PLA2G7: variants seen among roughly 807,000 people sequenced by gnomAD.
The protein encoded by PLA2G7 is platelet-activating factor acetylhydrolase.
In PLA2G7, 63 loss-of-function variants were observed where a neutral mutation model predicts 49.6. The ratio of observed to expected loss-of-function variants is 1.27; its 90% CI spans 1.04 to 1.57. PLA2G7 has a LOEUF of 1.57. Ranked by LOEUF, PLA2G7 falls within the 40% of genes most tolerant of loss-of-function variation. PLA2G7 has a pLI of 0.00. For synonymous variants in PLA2G7, 193 were observed against 169.9 expected (o/e 1.14, Z -1.06); for missense variants, 596 against 521.2 (o/e 1.14, Z -1.40).
At position 46,704,385 on chromosome 6, in the gene PLA2G7, G is replaced by A. The variant is rs1464357426; in HGVS notation, c.*175C>T. 7 of 602,410 alleles carry A rather than the reference G, an allele frequency of 1.2e-5. No homozygotes were observed. Among genetic ancestry groups the A allele is most frequent in the Middle Eastern group, 4.5e-4 (1 of 2,226 alleles). The allele number at this position is 602,410 out of a possible 1,614,324, so 37.3% of individuals were successfully genotyped here. A position where few individuals can be genotyped will look rare whatever the true frequency, so the allele number is the denominator to read the frequency against. On this transcript the variant is annotated 3_prime_UTR_variant, in exon 12 of 12. Transcript: ENST00000274793. ...AATTCTTAGTCCAAGCTTCAATCAC[G>A]ATTACAGTATAGCCTACATTTTAAA...
At chr6:46,713,380 T>G (rs1035415098) in intron 5 of PLA2G7, among the ~76,000 whole-genome samples, 3 of 152,196 alleles carry the variant, frequency 2.0e-5, no homozygotes, top group Non-Finnish European at 4.4e-5. Context: ...TGGGCCATAG[T>G]CTTTGTCACC....
rs756031422 is a variant in PLA2G7 at position 46,714,570 on chromosome 6, G to A, written c.377-17C>T. 1 of 1,458,100 alleles carries A rather than the reference G, an allele frequency of 6.9e-7. No homozygotes were observed. Among genetic ancestry groups the A allele is most frequent in the South Asian group, 1.1e-5 (1 of 88,006 alleles). The allele number at this position is 1,458,100 out of a possible 1,614,324, so 90.3% of individuals were successfully genotyped here. On this transcript the variant is annotated splice_polypyrimidine_tract_variant and intron_variant, in intron 4 of 11. Transcript: ENST00000274793. ...TCATTGAACCTAGACAACAATGGAA[G>A]GTTATAGTTAAGGTTTTCTCTGAGT...
At position 46,712,337 on chromosome 6, in the gene PLA2G7, C is replaced by A; in HGVS notation, c.471G>T (p.Arg157Ser). 6.2e-7 allele frequency: 1 copy of A among 1,608,994 alleles called. No individual in the cohort carries two copies. ...CAATGCCAATAGCAGAATAAAGTGT[C>A]CTTCAAAACAAAAAGAGGGAAGAAT... ...VVFSHGLGAF[R>S]TLYSAIGIDL... The change falls in exon 6 of 12, where the codon AGG becomes AGT. Residue 157 changes from arginine (R) to serine (S), a missense_variant and splice_region_variant. By Grantham distance (110) the Arg-to-Ser change is moderately radical. Transcript: ENST00000274793.
chr6:46,720,553 T>C (rs544141616), intron 2 of PLA2G7, among the ~76,000 whole-genome samples: 14 of 152,280 alleles, frequency 9.2e-5, no homozygotes, highest in African/African-American at 2.9e-4. Flanking sequence ...ACAGGCTCCA[T>C]AGCCTACAGC....
chr6:46,709,569 A>T (rs1764943623), intron 8 of PLA2G7, 151 bp from the exon 9 acceptor site: 1 of 633,612 alleles, frequency 1.6e-6, no homozygotes, highest in East Asian at 2.8e-5. Flanking sequence ...ATACATTTAT[A>T]CATACCATAC....
chr6:46,714,736 G>GTT (rs34589690), intron 4 of PLA2G7, among the ~76,000 whole-genome samples, 183 bp from the exon 5 acceptor site: 43 of 128,702 alleles, frequency 3.3e-4, no homozygotes, highest in Non-Finnish European at 4.3e-4. Flanking sequence ...TGAACTGTAA[G>GTT]TTTTTTTTTT....
intron 9 of PLA2G7, 84 bp downstream of exon 9, chr6:46,709,243 G>T: frequency 1.2e-6 from 1 of 840,920 alleles, no homozygotes. Flanking sequence ...TCTTCACTAA[G>T]AATTTGAATA....
chr6:46,732,805 G>A lies in PLA2G7; in HGVS notation c.-35+2375C>T, dbSNP rs945937429. Among the ~76,000 whole-genome samples, 6 of 152,150 alleles carry A rather than the reference G, an allele frequency of 3.9e-5. No individual in the cohort carries two copies. In the East Asian group the frequency reaches 5.8e-4, roughly 15 times the overall value. ...ATAATGTGTCTAACAGGTGGCTGGC[G>A]TCATGAAGAAAGTCAGTAAGAACCC... On this transcript the variant is annotated intron_variant, in intron 1 of 11. Transcript: ENST00000274793.
intron 10 of PLA2G7, among the ~76,000 whole-genome samples, chr6:46,706,419 A>G (rs1214268861): frequency 6.6e-6 from 1 of 152,226 alleles, no homozygotes; most frequent in Non-Finnish European, 1.5e-5. Context: ...GAGAACTGCC[A>G]GAGGAGAAGA....
chr6:46,711,743 C>A, intron 6 of PLA2G7, 124 bp from the exon 7 acceptor site: 1 of 956,514 alleles, frequency 1.0e-6, no homozygotes, highest in Non-Finnish European at 1.6e-6. Flanking sequence ...TTCTTCCACT[C>A]TATATTTTCT....
chr6:46,728,420 C>T (rs1156347631), intron 1 of PLA2G7, among the ~76,000 whole-genome samples: 1 of 152,198 alleles, frequency 6.6e-6, no homozygotes. Flanking sequence ...GTCAATAATG[C>T]TGAGGTTGAG....
intron 10 of PLA2G7, among the ~76,000 whole-genome samples, chr6:46,707,299 C>CTGTAGGCA (rs1764860623): frequency 6.6e-6 from 1 of 152,208 alleles, no homozygotes; most frequent in South Asian, 2.1e-4. Flanking sequence ...CCCCAAAAAT[C>CTGTAGGCA]TGTAGGCATA....
chr6:46,704,258 A>C lies in PLA2G7; in HGVS notation c.*302T>G, dbSNP rs111472465. On this transcript the variant is annotated 3_prime_UTR_variant, in exon 12 of 12. Transcript: ENST00000274793. ...TTGTCTGTCAAAGTAATGTAAAAAC[A>C]GTTTTTAACTTCGACACTGAAAAGG... The C allele has an allele frequency of 9.8e-6, 3 of 306,526 alleles. No individual in the cohort carries two copies. The highest frequency in any genetic ancestry group is 1.9e-5 in the Non-Finnish European group (3 of 161,176). The allele number at this position is 306,526 out of a possible 1,614,324, so 19.0% of individuals were successfully genotyped here. A position where few individuals can be genotyped will look rare whatever the true frequency, so the allele number is the denominator to read the frequency against.
chr6:46,716,388 G>C lies in PLA2G7; in HGVS notation c.372C>G (p.Leu124=), dbSNP rs755943605. The change falls in exon 4 of 12, where the codon CTC becomes CTG. Residue 124 remains leucine (L), a synonymous_variant. Transcript: ENST00000274793. ...HWLMGNILRL[L]FGSMTTPANW... Reference sequence around the variant, plus strand: ...AAGGATCAACAGAAATCTTACCAAAGAGTAACCTCAAAATGTTGCCCATAA... The same window carrying C: ...AAGGATCAACAGAAATCTTACCAAACAGTAACCTCAAAATGTTGCCCATAA... The C allele has an allele frequency of 1.2e-6, 2 of 1,614,058 alleles. No individual in the cohort carries two copies. The highest frequency in any genetic ancestry group is 1.7e-6 in the Non-Finnish European group (2 of 1,179,934).
chr6:46,709,368 T>C lies in PLA2G7; in HGVS notation c.828A>G (p.Gly276=). ...KIAVIGHSFG[G]ATVIQTLSED... ...CACTAAGAGTCTGAATAACCGTTGC[T>C]CCACCAAAAGAATGTCCAATTACTG... The change falls in exon 9 of 12, where the codon GGA becomes GGG. Residue 276 remains glycine (G), a synonymous_variant. Coordinates refer to ENST00000274793, the MANE Select transcript of PLA2G7 (RefSeq NM_005084.4). The C allele has an allele frequency of 2.5e-6, 4 of 1,608,494 alleles. No individual in the cohort carries two copies. Among genetic ancestry groups the C allele is most frequent in the Non-Finnish European group, 3.4e-6 (4 of 1,175,326 alleles).
At chr6:46,716,877 T>C (rs1031235576) in intron 3 of PLA2G7, 98 bp downstream of exon 3, 6 of 1,247,944 alleles carry the variant, frequency 4.8e-6, no homozygotes, top group Non-Finnish European at 7.1e-6. Context: ...TGAGTCATTC[T>C]CAGGTGAGGG....
At chr6:46,732,915 T>G (rs1363851522) in intron 1 of PLA2G7, among the ~76,000 whole-genome samples, 3 of 152,230 alleles carry the variant, frequency 2.0e-5, no homozygotes, top group Non-Finnish European at 4.4e-5. Context: ...CTTCAATGCT[T>G]TTATTTTATG....
Position 46,708,161 on chromosome 6 carries a change from T to G in PLA2G7, c.870A>C (p.Arg290Ser), listed in dbSNP as rs1450901239. The G allele has an allele frequency of 6.2e-7, 1 of 1,607,984 alleles. No homozygotes were observed. Among genetic ancestry groups the G allele is most frequent in the East Asian group, 2.2e-5 (1 of 44,778 alleles). Residue 290 changes from arginine (R) to serine (S), a missense_variant and splice_region_variant, in exon 10 of 12, where the codon AGA (arginine) becomes AGC (serine). Transcript: ENST00000274793. ...TCCATGCATCCAGGGCAATACCACA[T>G]CTGTAGATATTTGTTGACAATGATG... ...IQTLSEDQRF[R>S]CGIALDAWMF...
chr6:46,711,657 T>G (rs201274236), intron 6 of PLA2G7, 38 bp from the exon 7 acceptor site: 1 of 1,608,594 alleles, frequency 6.2e-7, no homozygotes, highest in Non-Finnish European at 8.5e-7. Flanking sequence ...TGCATGCTCC[T>G]TCCCTTCCTC....
Sources: allele counts gnomAD v4.1 joint callset (sites outside exome capture counted in the v4.1 genomes callset), GRCh38; gene constraint gnomAD v4.1.1; transcripts MANE v1.5; gene names NCBI Gene and HGNC (gene_info 2026-07-23, HGNC 2026-07-21).